Variants in SMURF2 observed in about 807,000 individuals in gnomAD.
SMURF2 encodes SMAD specific E3 ubiquitin protein ligase 2.
In SMURF2, 48 loss-of-function variants were observed where a neutral mutation model predicts 109.6. The observed-to-expected ratio is 0.44, with a 90% CI of 0.35 to 0.56. The LOEUF is 0.56. Ranked by LOEUF, SMURF2 falls within the 20% of genes least tolerant of loss-of-function variation. The pLI is 0.01. For synonymous variants in SMURF2, 288 were observed against 317.1 expected, an observed-to-expected ratio of 0.91 and a Z score of 0.97; for missense variants, 575 against 909.0, an observed-to-expected ratio of 0.63 and a Z score of 4.72.
intron 3 of SMURF2, among the ~76,000 whole-genome samples, chr17:64,595,394 T>C (rs1218876164): frequency 6.6e-6 from 1 of 152,238 alleles, no homozygotes; most frequent in African/African-American, 2.4e-5. Flanking sequence ...TGAAACCTCA[T>C]GTAATATAAC....
intron 9 of SMURF2, among the ~76,000 whole-genome samples, chr17:64,577,024 T>C (rs1969503349): frequency 6.6e-6 from 1 of 151,896 alleles, no homozygotes; most frequent in African/African-American, 2.4e-5. Flanking sequence ...TTCTCTTTTT[T>C]TGAAATGGGG....
chr17:64,601,994 A>C (rs1969905470), intron 2 of SMURF2, among the ~76,000 whole-genome samples: 1 of 151,598 alleles, frequency 6.6e-6, no homozygotes, highest in South Asian at 2.1e-4. Context: ...ACACCATGGA[A>C]TACTACTCAG....
chr17:64,544,936 A>G lies in SMURF2; in HGVS notation c.*912T>C, dbSNP rs181170077. 8.5e-5 allele frequency: 13 copies of G among 152,764 alleles called. No homozygotes were observed. The highest frequency in any genetic ancestry group is 3.1e-4 in the African/African-American group (13 of 41,582). 9.5% of individuals were successfully genotyped at this position (152,764 alleles called of 1,614,324 possible). A position where few individuals can be genotyped will look rare whatever the true frequency, so the allele number is the denominator to read the frequency against. ...TAGGAATAGTCCATATATTAAAGAT[A>G]AGCTGACCCAGCAAAATAACGAAAA... is the stretch of plus-strand genomic sequence containing the variant. On this transcript the variant is annotated 3_prime_UTR_variant, in exon 19 of 19. Transcript: ENST00000262435.
chr17:64,595,016 TA>T (rs1199700857), intron 3 of SMURF2, among the ~76,000 whole-genome samples: 1 of 152,014 alleles, frequency 6.6e-6, no homozygotes, highest in East Asian at 1.9e-4. Context: ...AAAGTTACGT[TA>T]AACCAGTTGT....
intron 2 of SMURF2, among the ~76,000 whole-genome samples, chr17:64,601,832 TGTG>T (rs1475397584): frequency 1.1e-4 from 16 of 151,054 alleles, no homozygotes; most frequent in South Asian, 6.3e-4. Flanking sequence ...GGTAAAGAAA[TGTG>T]GTGTGTGTGT....
intron 13 of SMURF2, among the ~76,000 whole-genome samples, 175 bp from the exon 14 acceptor site, chr17:64,556,173 G>C (rs1357139030): frequency 6.6e-6 from 1 of 152,078 alleles, no homozygotes; most frequent in Non-Finnish European, 1.5e-5. Context: ...TAGATCACCA[G>C]AGAACAGCAT....
At chr17:64,641,415 T>C (rs1434221556) in intron 1 of SMURF2, among the ~76,000 whole-genome samples, 1 of 152,218 alleles carries the variant, frequency 6.6e-6, no homozygotes, top group Non-Finnish European at 1.5e-5. Flanking sequence ...ATTTTTTAAA[T>C]GGCTGCAAAT....
chr17:64,576,872 CCTTTT>C (rs1346512917), intron 9 of SMURF2, among the ~76,000 whole-genome samples: 5 of 126,676 alleles, frequency 3.9e-5, no homozygotes, highest in African/African-American at 1.6e-4. Flanking sequence ...CTTTTTCTAT[CCTTTT>C]TTTTTTTTTT....
intron 1 of SMURF2, among the ~76,000 whole-genome samples, chr17:64,616,118 C>G (rs138679685): frequency 6.6e-6 from 1 of 152,144 alleles, no homozygotes; most frequent in South Asian, 2.1e-4. Flanking sequence ...GCGTCAGCCA[C>G]CACACCCGGC....
chr17:64,619,274 C>G (rs1011699089), intron 1 of SMURF2, among the ~76,000 whole-genome samples: 1 of 151,694 alleles, frequency 6.6e-6, no homozygotes, highest in Non-Finnish European at 1.5e-5. Flanking sequence ...ATCAGGAGAT[C>G]GAGACCAGCC....
chr17:64,565,180 G>A (rs970447941), intron 10 of SMURF2, among the ~76,000 whole-genome samples: 4 of 152,092 alleles, frequency 2.6e-5, no homozygotes, highest in Non-Finnish European at 5.9e-5. Flanking sequence ...GGACAAAAAC[G>A]GACACAGGAG....
intron 1 of SMURF2, among the ~76,000 whole-genome samples, chr17:64,630,802 C>T (rs1970328260): frequency 6.6e-6 from 1 of 152,164 alleles, no homozygotes; most frequent in Admixed American, 6.5e-5. Context: ...TCCTTTATAT[C>T]ATTGCGGAGA....
intron 3 of SMURF2, among the ~76,000 whole-genome samples, chr17:64,597,227 G>T (rs1397245581): frequency 4.0e-5 from 6 of 151,842 alleles, no homozygotes; most frequent in Admixed American, 3.3e-4. Flanking sequence ...AATATAGCAA[G>T]ACCCCATCTC....
chr17:64,549,521 A>AGAGGC lies in SMURF2; in HGVS notation c.1870-1725_1870-1721dup, dbSNP rs201323756. Among the ~76,000 whole-genome samples, 235 of 152,212 alleles carry AGAGGC rather than the reference A, an allele frequency of 1.5e-3. 3 individuals carry two copies. In the East Asian group the frequency reaches 0.039, roughly 25 times the overall value. On this transcript the variant is annotated intron_variant, in intron 16 of 18. Coordinates refer to ENST00000262435, the MANE Select transcript of SMURF2 (RefSeq NM_022739.4). ...CTGTAATCCTAACAATTTGGGAAGC[A>AGAGGC]GAGGCAGGTGGATTGCCTGAGCTAA...
intron 2 of SMURF2, among the ~76,000 whole-genome samples, chr17:64,602,549 C>A (rs1253188429): frequency 6.6e-6 from 1 of 152,138 alleles, no homozygotes; most frequent in Non-Finnish European, 1.5e-5. Context: ...AAGTTACTCC[C>A]ATGTGGTCAA....
chr17:64,637,770 A>T (rs1970436626), intron 1 of SMURF2, among the ~76,000 whole-genome samples: 2 of 151,582 alleles, frequency 1.3e-5, no homozygotes, highest in African/African-American at 4.9e-5. Context: ...CACCATGTGG[A>T]CCGTGCTGGT....
intron 1 of SMURF2, among the ~76,000 whole-genome samples, chr17:64,656,244 T>G (rs1232395687): frequency 6.6e-6 from 1 of 152,166 alleles, no homozygotes; most frequent in Non-Finnish European, 1.5e-5. Flanking sequence ...GTCCAAACAA[T>G]GAACAATATT....
At chr17:64,631,686 A>C (rs574098396) in intron 1 of SMURF2, among the ~76,000 whole-genome samples, 234 of 152,242 alleles carry the variant, frequency 1.5e-3, no homozygotes, top group African/African-American at 5.4e-3. Context: ...AAACAAACAA[A>C]AAACAGAAAT....
chr17:64,641,720 A>C (rs898592004), intron 1 of SMURF2, among the ~76,000 whole-genome samples: 3 of 152,106 alleles, frequency 2.0e-5, no homozygotes, highest in African/African-American at 7.2e-5. Context: ...GCCACCCCCC[A>C]GCAATTCCAG....
Sources: allele counts gnomAD v4.1 joint callset (sites outside exome capture counted in the v4.1 genomes callset), GRCh38; gene constraint gnomAD v4.1.1; transcripts MANE v1.5; gene names NCBI Gene and HGNC (gene_info 2026-07-23, HGNC 2026-07-21).